Variants in ITGA9 observed in about 807,000 individuals in gnomAD.
ITGA9 encodes integrin alpha-9.
ITGA9 carries 56 observed loss-of-function variants against 127.8 expected under a neutral mutation model. The observed-to-expected ratio is 0.44, with a 90% CI of 0.35 to 0.55. The LOEUF (loss-of-function observed/expected upper bound fraction) is 0.55, where lower values mean the gene tolerates loss of function less well. Among genes scored for constraint, ITGA9 ranks in the 20% least tolerant of loss-of-function variants. The pLI is 0.00. For synonymous variants in ITGA9, 508 were observed against 514.5 expected (o/e 0.99, Z 0.17); for missense variants, 1,196 against 1,347.1 (o/e 0.89, Z 1.76).
intron 15 of ITGA9, among the ~76,000 whole-genome samples, chr3:37,600,836 CA>C (rs1187703248): frequency 6.6e-6 from 1 of 152,224 alleles, no homozygotes; most frequent in Non-Finnish European, 1.5e-5. Context: ...CAGGAACCCC[CA>C]ACCCCATGTG....
At chr3:37,531,710 C>T (rs1279640882) in intron 13 of ITGA9, among the ~76,000 whole-genome samples, 1 of 152,214 alleles carries the variant, frequency 6.6e-6, no homozygotes, top group East Asian at 1.9e-4. Flanking sequence ...TCGTGGTTTT[C>T]AGTCTCCTAG....
intron 15 of ITGA9, among the ~76,000 whole-genome samples, chr3:37,556,151 G>A (rs1343163938): frequency 6.6e-6 from 1 of 152,206 alleles, no homozygotes; most frequent in African/African-American, 2.4e-5. Flanking sequence ...CCAGGCCAGG[G>A]TGGACCAGGT....
chr3:37,777,305 A>G, intron 23 of ITGA9, 87 bp from the exon 24 acceptor site: 1 of 1,472,342 alleles, frequency 6.8e-7, no homozygotes, highest in Non-Finnish European at 9.5e-7. Context: ...TTGGGGTTCT[A>G]CCACTCCTGC....
intron 18 of ITGA9, among the ~76,000 whole-genome samples, chr3:37,718,124 C>G (rs1283345326): frequency 6.6e-6 from 1 of 152,154 alleles, no homozygotes; most frequent in Non-Finnish European, 1.5e-5. Context: ...TATGGCCCAA[C>G]AAAGGACACT....
intron 1 of ITGA9, among the ~76,000 whole-genome samples, chr3:37,454,583 G>T (rs1332381110): frequency 6.6e-6 from 1 of 152,184 alleles, no homozygotes; most frequent in Non-Finnish European, 1.5e-5. Flanking sequence ...GCCCTCTCTT[G>T]TTCTGATACA....
At chr3:37,570,151 C>T (rs1303328805) in intron 15 of ITGA9, among the ~76,000 whole-genome samples, 2 of 152,276 alleles carry the variant, frequency 1.3e-5, no homozygotes, top group Non-Finnish European at 2.9e-5. Flanking sequence ...CGGGGTTTGG[C>T]CACCCCTGGC....
intron 26 of ITGA9, among the ~76,000 whole-genome samples, chr3:37,796,094 C>T (rs901625839): frequency 1.3e-5 from 2 of 152,236 alleles, no homozygotes; most frequent in East Asian, 1.9e-4. Flanking sequence ...GTTCACTGTC[C>T]AATGGCAGTG....
chr3:37,475,010 G>A (rs1698478175), intron 3 of ITGA9, among the ~76,000 whole-genome samples: 1 of 152,220 alleles, frequency 6.6e-6, no homozygotes. Context: ...CATGGTGGGG[G>A]CCTCCCTCCT....
At chr3:37,795,262 C>T (rs1247280813) in intron 26 of ITGA9, among the ~76,000 whole-genome samples, 1 of 152,202 alleles carries the variant, frequency 6.6e-6, no homozygotes, top group Non-Finnish European at 1.5e-5. Flanking sequence ...GGAAGCCCTC[C>T]ATCCAGCAGA....
At chr3:37,544,248 A>C (rs267538) in intron 15 of ITGA9, among the ~76,000 whole-genome samples, 97,002 of 151,976 alleles carry the variant, frequency 0.64, 31,482 homozygotes, top group East Asian at 0.86. Context: ...AGGCCAGAGG[A>C]AGGGCTGTTT....
At chr3:37,736,605 T>C (rs1489791335) in intron 19 of ITGA9, among the ~76,000 whole-genome samples, 1 of 152,072 alleles carries the variant, frequency 6.6e-6, no homozygotes, top group East Asian at 1.9e-4. Flanking sequence ...GTGGCAGAAA[T>C]TGAAAAGATG....
intron 16 of ITGA9, among the ~76,000 whole-genome samples, chr3:37,631,244 C>T (rs1700227902): frequency 6.6e-6 from 1 of 152,190 alleles, no homozygotes; most frequent in African/African-American, 2.4e-5. Flanking sequence ...TAGTCATCTA[C>T]CCTGTCCAGC....
chr3:37,608,877 G>T (rs779710494), intron 15 of ITGA9, among the ~76,000 whole-genome samples: 1 of 152,230 alleles, frequency 6.6e-6, no homozygotes, highest in East Asian at 1.9e-4. Flanking sequence ...TCTCAGGGAG[G>T]TGGGGGACTA....
chr3:37,468,923 G>A (rs1698399460), intron 1 of ITGA9, among the ~76,000 whole-genome samples: 1 of 152,182 alleles, frequency 6.6e-6, no homozygotes, highest in South Asian at 2.1e-4. Context: ...ACATCAGTGT[G>A]GATTTTGTTT....
At chr3:37,773,840 C>A (rs1446897536) in intron 23 of ITGA9, among the ~76,000 whole-genome samples, 1 of 152,152 alleles carries the variant, frequency 6.6e-6, no homozygotes, top group Non-Finnish European at 1.5e-5. Flanking sequence ...AAGAAATAAT[C>A]AACTATCTGT....
rs564582121 is a variant in ITGA9, at chr3:37,563,961, A to G, written c.1689+21376A>G. On this transcript the variant is annotated intron_variant, in intron 15 of 27. Coordinates refer to ENST00000264741, the MANE Select transcript of ITGA9 (RefSeq NM_002207.3). Reference sequence around the variant, plus strand: ...TATTCTTCATACCAGCATTTCCCAAAGCATTTTTTCAAAGGATAGTAACGA... The same window carrying G: ...TATTCTTCATACCAGCATTTCCCAAGGCATTTTTTCAAAGGATAGTAACGA... Among the ~76,000 whole-genome samples, 7 of 152,368 alleles carry G rather than the reference A, an allele frequency of 4.6e-5. No homozygotes were observed. The East Asian group carries it at 1.3e-3, about 29-fold the overall frequency.
chr3:37,800,814 A>G (rs1697227548), intron 26 of ITGA9, among the ~76,000 whole-genome samples: 1 of 152,242 alleles, frequency 6.6e-6, no homozygotes, highest in Non-Finnish European at 1.5e-5. Context: ...AATACTGTAC[A>G]GCAGTGAGAG....
intron 26 of ITGA9, among the ~76,000 whole-genome samples, chr3:37,796,284 A>G (rs1697172711): frequency 6.6e-6 from 1 of 152,144 alleles, no homozygotes; most frequent in Non-Finnish European, 1.5e-5. Flanking sequence ...AGGATCTTTT[A>G]TCATCATGAA....
chr3:37,575,756 G>A (rs576152333), intron 15 of ITGA9, among the ~76,000 whole-genome samples: 1 of 152,326 alleles, frequency 6.6e-6, no homozygotes, highest in South Asian at 2.1e-4. Flanking sequence ...GATGGCTACA[G>A]ATGCATGGCT....
Sources: gnomAD v4.1 joint callset for allele counts (sites outside exome capture counted in the v4.1 genomes callset) on GRCh38, gnomAD v4.1.1 for gene constraint, MANE v1.5 for transcripts, NCBI Gene and HGNC (gene_info 2026-07-23, HGNC 2026-07-21) for gene names.